The following ASIC2 variants were observed in gnomAD, a reference collection of about 807,000 sequenced individuals.
ASIC2 encodes acid-sensing ion channel 2.
A neutral mutation model predicts 57.3 loss-of-function variants in ASIC2; 25 were observed. That is an observed-to-expected ratio of 0.44 (90% confidence interval 0.32 to 0.61). The LOEUF is 0.61. ASIC2 is among the 20% of genes least tolerant of loss of function. The probability of loss-of-function intolerance (pLI) is 0.06; values close to 1 mark genes in which losing one functional copy is unlikely to be tolerated. For missense variants in ASIC2, 641 were observed against 738.1 expected, an observed-to-expected ratio of 0.87 and a Z score of 1.52; for synonymous variants, 319 against 307.5, an observed-to-expected ratio of 1.04 and a Z score of -0.39.
chr17:33,048,327 A>AC (rs2091962988), intron 3 of ASIC2, among the ~76,000 whole-genome samples: 1 of 152,184 alleles, frequency 6.6e-6, no homozygotes, highest in African/African-American at 2.4e-5. Context: ...TCTCTCATGG[A>AC]CAGGCACACT....
At chr17:34,081,336 CTAGA>C (rs560451961) in intron 1 of ASIC2, among the ~76,000 whole-genome samples, 76 of 152,254 alleles carry the variant, frequency 5.0e-4, no homozygotes, top group African/African-American at 1.8e-3. Flanking sequence ...TTGCTAGGCA[CTAGA>C]TAGATAGATA....
chr17:33,212,640 G>A (rs1907323696), intron 1 of ASIC2, among the ~76,000 whole-genome samples: 1 of 152,170 alleles, frequency 6.6e-6, no homozygotes. Flanking sequence ...TATGAGAAAG[G>A]AATGGGGTAT....
At chr17:33,793,967 G>C (rs537404023) in intron 1 of ASIC2, 5 of 152,164 alleles carry the variant, frequency 3.3e-5, no homozygotes, top group Non-Finnish European at 7.3e-5. Context: ...TTTGAAAACA[G>C]AGACAGTAAA....
At chr17:33,420,791 A>C (rs996425373) in intron 1 of ASIC2, among the ~76,000 whole-genome samples, 2 of 152,186 alleles carry the variant, frequency 1.3e-5, no homozygotes, top group African/African-American at 4.8e-5. Flanking sequence ...CGGGATGTGC[A>C]TAAGGGTTCC....
At position 33,933,336 on chromosome 17, in the gene ASIC2, GT is replaced by G. The variant is rs1915986346; in HGVS notation, c.555+222641del. Among the ~76,000 whole-genome samples the G allele has an allele frequency of 2.6e-5, 4 of 152,196 alleles. No individual in the cohort carries two copies. In the South Asian group the frequency reaches 8.3e-4, roughly 32 times the overall value. On this transcript the variant is annotated intron_variant, in intron 1 of 9. Coordinates refer to the ASIC2 transcript ENST00000359872. ...ATTACTCCCTGACATTGAATTGCAT[GT>G]TTACTTTCTGTTTCCTCCAGACAGG...
intron 1 of ASIC2, among the ~76,000 whole-genome samples, chr17:33,542,850 G>T (rs1224431049): frequency 1.3e-5 from 2 of 149,892 alleles, no homozygotes; most frequent in East Asian, 4.0e-4. Context: ...GTAATGCCTA[G>T]GTTTTCTTCT....
intron 1 of ASIC2, among the ~76,000 whole-genome samples, chr17:33,967,619 T>C (rs1169143252): frequency 1.3e-5 from 2 of 152,194 alleles, no homozygotes; most frequent in Non-Finnish European, 2.9e-5. Flanking sequence ...GTCCTAACTA[T>C]AGCTTGCCAT....
intron 1 of ASIC2, among the ~76,000 whole-genome samples, chr17:34,074,932 C>T (rs897527006): frequency 1.3e-5 from 2 of 151,944 alleles, no homozygotes; most frequent in Admixed American, 1.3e-4. Flanking sequence ...ATTACAGGCA[C>T]CTGCCATCAC....
At chr17:34,074,621 G>A (rs991679524) in intron 1 of ASIC2, among the ~76,000 whole-genome samples, 5 of 151,972 alleles carry the variant, frequency 3.3e-5, no homozygotes, top group African/African-American at 9.7e-5. Context: ...CAAACCCTGC[G>A]AGTAGGTAAT....
intron 1 of ASIC2, among the ~76,000 whole-genome samples, chr17:33,563,985 T>C (rs1916155225): frequency 6.6e-6 from 1 of 152,144 alleles, no homozygotes; most frequent in Non-Finnish European, 1.5e-5. Flanking sequence ...CGAGATTAGA[T>C]GGCTAAAGTA....
chr17:33,161,446 G>T (rs1002954130), intron 1 of ASIC2, among the ~76,000 whole-genome samples: 3 of 152,144 alleles, frequency 2.0e-5, no homozygotes, highest in Non-Finnish European at 4.4e-5. Context: ...TGTCTTCTCT[G>T]AAAGGCCTTC....
intron 1 of ASIC2, chr17:34,037,913 T>C: frequency 1.9e-6 from 3 of 1,613,868 alleles, no homozygotes; most frequent in African/African-American, 2.7e-5. Flanking sequence ...CTTCCTTCCA[T>C]AAAGACACTG....
At chr17:33,616,482 A>G (rs35150860) in intron 1 of ASIC2, among the ~76,000 whole-genome samples, 8,225 of 152,310 alleles carry the variant, frequency 0.054, 670 homozygotes, top group African/African-American at 0.17. Context: ...TTCTGAACTT[A>G]CTACTGTGAT....
At chr17:33,396,741 C>A (rs1315187135) in intron 1 of ASIC2, among the ~76,000 whole-genome samples, 1 of 152,306 alleles carries the variant, frequency 6.6e-6, no homozygotes, top group Admixed American at 6.5e-5. Context: ...ACCTGTCTAA[C>A]AGTCTTTCAT....
chr17:33,627,471 G>T (rs1353384921), intron 1 of ASIC2, among the ~76,000 whole-genome samples: 1 of 152,176 alleles, frequency 6.6e-6, no homozygotes, highest in Non-Finnish European at 1.5e-5. Flanking sequence ...TGGCTAGAAG[G>T]GGAACTAAAT....
At chr17:33,821,036 C>T (rs1332126370) in intron 1 of ASIC2, among the ~76,000 whole-genome samples, 1 of 152,148 alleles carries the variant, frequency 6.6e-6, no homozygotes, top group South Asian at 2.1e-4. Flanking sequence ...AGAGCTAATG[C>T]TTGAGATGAA....
chr17:34,131,882 A>G (rs1487738132), intron 1 of ASIC2, among the ~76,000 whole-genome samples: 1 of 152,182 alleles, frequency 6.6e-6, no homozygotes, highest in East Asian at 1.9e-4. Flanking sequence ...CCACTGACGA[A>G]TTACCTTGGG....
At chr17:34,152,578 G>A (rs1008504423) in intron 1 of ASIC2, among the ~76,000 whole-genome samples, 6 of 152,240 alleles carry the variant, frequency 3.9e-5, no homozygotes, top group African/African-American at 7.2e-5. Context: ...TGAATAGCCC[G>A]ACTACTAATA....
intron 1 of ASIC2, among the ~76,000 whole-genome samples, chr17:33,805,800 G>A (rs73986730): frequency 0.09 from 13,666 of 152,128 alleles, 691 homozygotes; most frequent in East Asian, 0.19. Context: ...GGGCTTCCAT[G>A]CTTATTTGCC....
Sources: allele counts gnomAD v4.1 joint callset (sites outside exome capture counted in the v4.1 genomes callset), GRCh38; gene constraint gnomAD v4.1.1; transcripts MANE v1.5; gene names NCBI Gene and HGNC (gene_info 2026-07-23, HGNC 2026-07-21).